ITIH2: variants seen among roughly 807,000 people sequenced by gnomAD.
The protein encoded by ITIH2 is inter-alpha-trypsin inhibitor heavy chain H2.
In ITIH2, 103 loss-of-function variants were observed where a neutral mutation model predicts 104.4. The observed-to-expected ratio is 0.99, with a 90% CI of 0.84 to 1.16. The LOEUF (loss-of-function observed/expected upper bound fraction) is 1.16. Ranked by LOEUF, ITIH2 falls within the 50% of genes most tolerant of loss-of-function variation. The probability of loss-of-function intolerance (pLI) is 0.00; values close to 1 mark genes in which losing one functional copy is unlikely to be tolerated. For synonymous variants in ITIH2, 436 were observed against 435.4 expected (o/e 1.00, Z -0.02); for missense variants, 1,108 against 1,162.4 (o/e 0.95, Z 0.68).
chr10:7,704,619 A>G (rs1209705661), intron 1 of ITIH2, among the ~76,000 whole-genome samples: 1 of 152,194 alleles, frequency 6.6e-6, no homozygotes, highest in Non-Finnish European at 1.5e-5. Context: ...CCCATGTCCA[A>G]CAAATGCGAA....
At chr10:7,725,726 G>A (rs151244933) in intron 9 of ITIH2, among the ~76,000 whole-genome samples, 195 of 152,298 alleles carry the variant, frequency 1.3e-3, no homozygotes, top group African/African-American at 4.5e-3. Context: ...TACCCACGTT[G>A]GCCATGGAAG....
At chr10:7,715,219 G>A (rs776845889) in intron 5 of ITIH2, among the ~76,000 whole-genome samples, 7 of 152,036 alleles carry the variant, frequency 4.6e-5, no homozygotes, top group African/African-American at 7.2e-5. Flanking sequence ...TCAGGAGACC[G>A]AGACCATCCT....
intron 19 of ITIH2, among the ~76,000 whole-genome samples, chr10:7,746,067 TTAAAAAAAAAAAAAAAAA>T (rs1835174545): frequency 2.0e-5 from 1 of 51,092 alleles, no homozygotes; most frequent in Non-Finnish European, 3.3e-5. Context: ...AATCTTAAAT[TTAAAAAAAAAAAAAAAAA>T]AAAAAAAAAA....
At position 7,744,159 on chromosome 10, in the gene ITIH2, G is replaced by C. The variant is rs973167034; in HGVS notation, c.2287G>C (p.Gly763Arg). The C allele has an allele frequency of 6.2e-7, 1 of 1,613,838 alleles. No individual in the cohort carries two copies. The highest frequency in any genetic ancestry group is 8.5e-7 in the Non-Finnish European group (1 of 1,179,956). The change falls in exon 18 of 21, where the codon GGA becomes CGA. Residue 763 changes from glycine (G) to arginine (R), a missense_variant. Physicochemically the swap from Gly to Arg is moderately radical, Grantham distance 125. Coordinates refer to ENST00000358415, the MANE Select transcript of ITIH2 (RefSeq NM_002216.3). ...GKLSTYFGKLGFYFQSEDIKI... is the reference protein window; with the variant it reads ...GKLSTYFGKLRFYFQSEDIKI... ...ACTAAGCACCTATTTTGGAAAACTG[G>C]GATTTTATTTCCAAAGTGAAGACAT...
chr10:7,745,782 TTCTC>T (rs1318547292), intron 19 of ITIH2, among the ~76,000 whole-genome samples: 1 of 150,884 alleles, frequency 6.6e-6, no homozygotes, highest in African/African-American at 2.4e-5. Flanking sequence ...GAGATGGAGT[TTCTC>T]TCTTGTTGCC....
At chr10:7,725,842 A>G (rs1834946690) in intron 9 of ITIH2, among the ~76,000 whole-genome samples, 1 of 152,200 alleles carries the variant, frequency 6.6e-6, no homozygotes, top group Non-Finnish European at 1.5e-5. Flanking sequence ...GAGTAGATGG[A>G]CAAGGGAGCC....
chr10:7,749,383 G>A lies in ITIH2; in HGVS notation c.*49G>A. On this transcript the variant is annotated 3_prime_UTR_variant, in exon 21 of 21. Transcript: ENST00000358415. ...ATATATTAATATACATCTTTCCCCT[G>A]TCACTTTTGCAGATATTCTTCGGTT... is the stretch of plus-strand genomic sequence containing the variant. The A allele has an allele frequency of 1.4e-6, 2 of 1,475,224 alleles. No homozygotes were observed. Among genetic ancestry groups the A allele is most frequent in the South Asian group, 2.5e-5 (2 of 81,374 alleles). The allele number at this position is 1,475,224 out of a possible 1,614,324, so 91.4% of individuals were successfully genotyped here. A position where few individuals can be genotyped will look rare whatever the true frequency, so the allele number is the denominator to read the frequency against.
chr10:7,732,421 C>A lies in ITIH2; in HGVS notation c.1731C>A (p.Pro577=). ...DFLSKDKHAD[P]DFTRKLWAYL... ...TATCGAAAGACAAGCATGCAGATCC[C>A]GATTTCACCAGGAAACTGTGGGCCT... Residue 577 remains proline (P), a synonymous_variant, in exon 14 of 21, where the codon CCC becomes CCA. Transcript: ENST00000358415. 1 of 1,614,000 alleles carries A rather than the reference C, an allele frequency of 6.2e-7. No homozygotes were observed. The highest frequency in any genetic ancestry group is 8.5e-7 in the Non-Finnish European group (1 of 1,179,960).
intron 5 of ITIH2, among the ~76,000 whole-genome samples, chr10:7,714,232 T>C (rs987847771): frequency 5.6e-5 from 8 of 141,892 alleles, no homozygotes; most frequent in East Asian, 4.1e-4. Flanking sequence ...AGTGCAGTGG[T>C]GCGATCTCGG....
intron 5 of ITIH2, among the ~76,000 whole-genome samples, chr10:7,716,948 A>ATT (rs755687195): frequency 0.04 from 5,317 of 131,550 alleles, 336 homozygotes; most frequent in African/African-American, 0.14. Context: ...CTACAAGCCT[A>ATT]TTTTTTTTTT....
At chr10:7,705,046 T>G in intron 1 of ITIH2, 62 bp from the exon 2 acceptor site, 2 of 1,090,112 alleles carry the variant, frequency 1.8e-6, no homozygotes, top group Non-Finnish European at 2.7e-6. Context: ...GTTGTGCACA[T>G]GTACCCCAGA....
At position 7,737,020 on chromosome 10, in the gene ITIH2, T is replaced by C. The variant is rs1260102131; in HGVS notation, c.1958-1601T>C. On this transcript the variant is annotated intron_variant, in intron 15 of 20. Transcript: ENST00000358415. ...CTTCAATTTTGTTGAAAGCAAAGAA[T>C]TGGAAGCCCTGTGGTTTGTACAAGC... Among the ~76,000 whole-genome samples, 4 of 152,194 alleles carry C rather than the reference T, an allele frequency of 2.6e-5. No individual in the cohort carries two copies. In the East Asian group the frequency reaches 7.7e-4, roughly 29 times the overall value.
chr10:7,712,623 C>A (rs2130940009), intron 4 of ITIH2, among the ~76,000 whole-genome samples: 1 of 152,226 alleles, frequency 6.6e-6, no homozygotes, highest in East Asian at 1.9e-4. Context: ...TATAAACAAA[C>A]AACAGTACAT....
At chr10:7,711,394 T>G (rs1407553290) in intron 4 of ITIH2, among the ~76,000 whole-genome samples, 1 of 152,208 alleles carries the variant, frequency 6.6e-6, no homozygotes, top group African/African-American at 2.4e-5. Flanking sequence ...TTTATCTCCC[T>G]CTGCTCTGAG....
rs1834716164 is a variant in ITIH2, at chr10:7,703,478, A to G, written c.44A>G (p.Glu15Gly). ...TTTTTCATCTGCTTCTTTCTTTCTG[A>G]AGTATCAGGCTTCGAAATCCCCATA... The part of the protein sequence containing the change: ...TCFFICFFLS[E>G]VSGFEIPING... Residue 15 changes from glutamate to glycine, a missense_variant, in exon 1 of 21, where the codon GAA becomes GGA. By Grantham distance (98) the Glu-to-Gly change is moderately conservative. Coordinates refer to ENST00000358415, the MANE Select transcript of ITIH2 (RefSeq NM_002216.3). The G allele has an allele frequency of 1.2e-6, 2 of 1,613,920 alleles. No individual in the cohort carries two copies. The highest frequency in any genetic ancestry group is 2.2e-5 in the South Asian group (2 of 91,068).
chr10:7,744,305 G>A (rs1264814823), intron 18 of ITIH2, 25 bp downstream of exon 18: 1 of 1,591,164 alleles, frequency 6.3e-7, no homozygotes. Flanking sequence ...ATCTGAACTT[G>A]GGCCTGTCCG....
intron 8 of ITIH2, among the ~76,000 whole-genome samples, chr10:7,723,120 C>CGGAGTGCCCTGGCATGGCGT (rs1834920877): frequency 3.2e-5 from 1 of 31,138 alleles, no homozygotes; most frequent in African/African-American, 1.3e-4. Context: ...TGGTGTGGAG[C>CGGAGTGCCCTGGCATGGCGT]GGAGTGCCCT....
At chr10:7,721,546 C>A (rs1012460109) in intron 7 of ITIH2, 103 bp from the exon 8 acceptor site, 1 of 1,036,450 alleles carries the variant, frequency 9.6e-7, no homozygotes, top group African/African-American at 1.6e-5. Context: ...GGATTCAGAA[C>A]GTCCATTGGG....
chr10:7,739,727 A>AC (rs746614996), intron 16 of ITIH2, among the ~76,000 whole-genome samples: 7 of 151,980 alleles, frequency 4.6e-5, no homozygotes, highest in Non-Finnish European at 1.0e-4. Context: ...AAACAAAAAA[A>AC]CCCTTTTCAA....
Sources: allele counts gnomAD v4.1 joint callset (sites outside exome capture counted in the v4.1 genomes callset), GRCh38; gene constraint gnomAD v4.1.1; transcripts MANE v1.5; gene names NCBI Gene and HGNC (gene_info 2026-07-23, HGNC 2026-07-21).